The following MGAT5 variants were observed in gnomAD, a reference collection of about 807,000 sequenced individuals.
MGAT5 encodes the protein alpha-1,6-mannosylglycoprotein 6-beta-N-acetylglucosaminyltransferase, also known as alpha-1,6-mannosylglycoprotein 6-beta-N-acetylglucosaminyltransferase A.
In MGAT5, 30 loss-of-function variants were observed where a neutral mutation model predicts 94.3. The ratio of observed to expected loss-of-function variants is 0.32; its 90% CI spans 0.24 to 0.43. The LOEUF is 0.43. Ranked by LOEUF, MGAT5 falls within the 20% of genes least tolerant of loss-of-function variation. The probability of loss-of-function intolerance (pLI) is 1.00; values close to 1 mark genes in which losing one functional copy is unlikely to be tolerated. For synonymous variants in MGAT5, 310 were observed against 322.9 expected (o/e 0.96, Z 0.43); for missense variants, 691 against 905.5 (o/e 0.76, Z 3.04).
At chr2:134,296,896 A>G (rs529593675) in intron 2 of MGAT5, among the ~76,000 whole-genome samples, 16 of 152,290 alleles carry the variant, frequency 1.1e-4, no homozygotes, top group African/African-American at 3.8e-4. Context: ...CACAATCTGT[A>G]CTGACTCAAA....
intron 1 of MGAT5, among the ~76,000 whole-genome samples, chr2:134,150,690 A>G (rs1687129539): frequency 6.6e-6 from 1 of 152,226 alleles, no homozygotes; most frequent in Non-Finnish European, 1.5e-5. Flanking sequence ...ATAGGGTTAG[A>G]AACACCATAG....
chr2:134,325,660 G>A (rs1258812353), intron 4 of MGAT5, among the ~76,000 whole-genome samples: 1 of 152,026 alleles, frequency 6.6e-6, no homozygotes, highest in Non-Finnish European at 1.5e-5. Flanking sequence ...CATCAGATTA[G>A]TATTCACATT....
At chr2:134,261,349 A>G (rs1158754919) in intron 1 of MGAT5, among the ~76,000 whole-genome samples, 1 of 152,108 alleles carries the variant, frequency 6.6e-6, no homozygotes, top group Non-Finnish European at 1.5e-5. Flanking sequence ...TTTTGCTGTC[A>G]GAAGTGCTTG....
chr2:134,191,886 G>A (rs1401000746), intron 1 of MGAT5, among the ~76,000 whole-genome samples: 1 of 145,470 alleles, frequency 6.9e-6, no homozygotes, highest in Non-Finnish European at 1.5e-5. Flanking sequence ...GGGTGGGTGA[G>A]TTCACGCCCT....
chr2:134,344,915 T>C lies in MGAT5; in HGVS notation c.978-15T>C. 1 of 1,609,864 alleles carries C rather than the reference T, an allele frequency of 6.2e-7. No homozygotes were observed. The highest frequency in any genetic ancestry group is 8.5e-7 in the Non-Finnish European group (1 of 1,177,574). ...TTTTCTCTTTTTTCTCCCCTCTCTT[T>C]TGCCGTTTCTCTAGAATCATGAAGA... is the stretch of plus-strand genomic sequence containing the variant. On this transcript the variant is annotated splice_polypyrimidine_tract_variant and intron_variant, in intron 7 of 15. Transcript: ENST00000281923.
rs949416865 is a variant in MGAT5, at chr2:134,374,261, G to A, written c.1380+11853G>A. ...CACAAGTATATGAAGTGTTAGTATG[G>A]ATTTGCACCTGGGGGCTTACCATGC... is the stretch of plus-strand genomic sequence containing the variant. On this transcript the variant is annotated intron_variant, in intron 10 of 15. Transcript: ENST00000281923. Among the ~76,000 whole-genome samples, 17 of 152,166 alleles carry A rather than the reference G, an allele frequency of 1.1e-4. 1 individual carries two copies. The highest frequency in any genetic ancestry group is 1.0e-3 in the Admixed American group (16 of 15,286).
chr2:134,181,046 A>G (rs1287052607), intron 1 of MGAT5, among the ~76,000 whole-genome samples: 1 of 152,224 alleles, frequency 6.6e-6, no homozygotes, highest in Non-Finnish European at 1.5e-5. Context: ...ATAGATATAC[A>G]TGTTAAGAAT....
At chr2:134,278,868 C>T (rs921886587) in intron 2 of MGAT5, among the ~76,000 whole-genome samples, 1 of 152,178 alleles carries the variant, frequency 6.6e-6, no homozygotes, top group African/African-American at 2.4e-5. Context: ...TTTCAAGTCT[C>T]ATTTGAAGCT....
rs532846770 is a variant in MGAT5, at chr2:134,359,099, A to T, written c.1247-3176A>T. 1.8e-4 allele frequency among the ~76,000 whole-genome samples: 28 copies of T among 152,310 alleles called. No individual in the cohort carries two copies. The East Asian group carries it at 2.9e-3, about 16-fold the overall frequency. On this transcript the variant is annotated intron_variant, in intron 9 of 15. Transcript: ENST00000281923. ...TAAAATCATTGCTAATGTTTGGCAA[A>T]TCTCCTGCAGTTTTTTAGCATGTGA... is the stretch of plus-strand genomic sequence containing the variant.
intron 11 of MGAT5, among the ~76,000 whole-genome samples, chr2:134,403,494 C>T (rs1683171987): frequency 6.6e-6 from 1 of 152,180 alleles, no homozygotes. Flanking sequence ...GAACTCTTCC[C>T]CCAACCCAAT....
At chr2:134,189,602 G>GTTTTGTTTTTT (rs1553490380) in intron 1 of MGAT5, among the ~76,000 whole-genome samples, 8 of 84,654 alleles carry the variant, frequency 9.5e-5, no homozygotes, top group African/African-American at 3.3e-4. Flanking sequence ...GTTTTTTTTT[G>GTTTTGTTTTTT]TTTTTTTTTT....
chr2:134,361,416 G>C (rs1220046374), intron 9 of MGAT5, among the ~76,000 whole-genome samples: 1 of 152,154 alleles, frequency 6.6e-6, no homozygotes, highest in Admixed American at 6.6e-5. Flanking sequence ...TGAAGGTAGA[G>C]GAGAGGAGCA....
At position 134,453,306 on chromosome 2, in the gene MGAT5, G is replaced by A. The variant is rs958809849; in HGVS notation, c.*4459G>A. 1 of 152,202 alleles carries A rather than the reference G, an allele frequency of 6.6e-6. No individual in the cohort carries two copies. Among genetic ancestry groups the A allele is most frequent in the African/African-American group, 2.4e-5 (1 of 41,446 alleles). The allele number at this position is 152,202 out of a possible 1,614,324, so 9.4% of individuals were successfully genotyped here. ...AATGCACTGGTTTGAAAATATGCCAGACTTCAGCCCCCAAGGAAACAAGGC... is the reference window on the plus strand; with the variant it reads ...AATGCACTGGTTTGAAAATATGCCAAACTTCAGCCCCCAAGGAAACAAGGC... On this transcript the variant is annotated 3_prime_UTR_variant, in exon 16 of 16. Coordinates refer to ENST00000281923, the MANE Select transcript of MGAT5 (RefSeq NM_002410.5).
At chr2:134,263,748 A>G (rs1683482854) in intron 1 of MGAT5, among the ~76,000 whole-genome samples, 2 of 152,320 alleles carry the variant, frequency 1.3e-5, no homozygotes, top group Non-Finnish European at 2.9e-5. Context: ...TGTACTATGT[A>G]TATATATTTA....
At chr2:134,410,852 G>A (rs905592533) in intron 11 of MGAT5, among the ~76,000 whole-genome samples, 3 of 152,216 alleles carry the variant, frequency 2.0e-5, no homozygotes, top group Non-Finnish European at 4.4e-5. Context: ...TAAACCTGCA[G>A]AAATCCTGAT....
chr2:134,300,902 C>T (rs914382924), intron 2 of MGAT5, among the ~76,000 whole-genome samples: 14 of 152,046 alleles, frequency 9.2e-5, no homozygotes, highest in African/African-American at 3.4e-4. Context: ...CCTGCACAGC[C>T]CAGTTCTTAA....
intron 1 of MGAT5, among the ~76,000 whole-genome samples, chr2:134,248,621 G>C (rs1201325113): frequency 6.6e-6 from 1 of 152,196 alleles, no homozygotes; most frequent in East Asian, 1.9e-4. Context: ...CTATGAAGTA[G>C]CTCAGGTGGT....
intron 1 of MGAT5, among the ~76,000 whole-genome samples, chr2:134,131,243 G>A (rs139953898): frequency 8.4e-4 from 128 of 152,230 alleles, no homozygotes; most frequent in African/African-American, 2.9e-3. Flanking sequence ...TTTAAGAACC[G>A]TCACACTCAC....
intron 1 of MGAT5, among the ~76,000 whole-genome samples, chr2:134,151,540 A>G (rs551496104): frequency 2.3e-4 from 31 of 134,704 alleles, no homozygotes; most frequent in Admixed American, 6.0e-4. Flanking sequence ...GACCTCACTC[A>G]CTCATGCCCT....
Sources: allele counts gnomAD v4.1 joint callset (sites outside exome capture counted in the v4.1 genomes callset), GRCh38; gene constraint gnomAD v4.1.1; transcripts MANE v1.5; gene names NCBI Gene and HGNC (gene_info 2026-07-23, HGNC 2026-07-21).